The following SV2C variants were observed in gnomAD, a reference collection of about 807,000 sequenced individuals.
SV2C encodes the protein synaptic vesicle glycoprotein 2C.
In SV2C, 49 loss-of-function variants were observed where a neutral mutation model predicts 79.7. The observed-to-expected ratio is 0.61, with a 90% CI of 0.49 to 0.78. The LOEUF is 0.78. Ranked by LOEUF, SV2C falls within the 30% of genes least tolerant of loss-of-function variation. SV2C has a pLI of 0.00. For synonymous variants in SV2C, 334 were observed against 333.2 expected (o/e 1.00, Z -0.03); for missense variants, 833 against 912.9 (o/e 0.91, Z 1.13).
chr5:76,054,812 A>C, the SV2C span, among the ~76,000 whole-genome samples: 1 of 152,004 alleles, frequency 6.6e-6, no homozygotes, highest in Non-Finnish European at 1.5e-5. Context: ...GTGTCTGTTC[A>C]TATCCTTTGT....
chr5:75,975,246 A>G, the SV2C span, among the ~76,000 whole-genome samples: 1 of 152,182 alleles, frequency 6.6e-6, no homozygotes, highest in Non-Finnish European at 1.5e-5. Flanking sequence ...ACAGGAGTGC[A>G]CCTAGTGAAG....
At chr5:76,198,512 C>T (rs535711069) in intron 3 of SV2C, among the ~76,000 whole-genome samples, 1 of 152,208 alleles carries the variant, frequency 6.6e-6, no homozygotes, top group Non-Finnish European at 1.5e-5. Flanking sequence ...GAACCATGGC[C>T]AAATAAACCC....
At chr5:75,891,187 C>T in the SV2C span, among the ~76,000 whole-genome samples, 1 of 152,180 alleles carries the variant, frequency 6.6e-6, no homozygotes, top group African/African-American at 2.4e-5. Context: ...AAACCAGGGA[C>T]TTTGAGACTT....
the SV2C span, among the ~76,000 whole-genome samples, chr5:75,983,598 TA>T: frequency 0.5 from 72,053 of 144,180 alleles, 18,139 homozygotes; most frequent in Middle Eastern, 0.6. Context: ...GGGCCAGCTT[TA>T]AAAAAAAAAA....
chr5:76,174,449 G>C (rs1296002728), intron 2 of SV2C, among the ~76,000 whole-genome samples: 3 of 152,192 alleles, frequency 2.0e-5, no homozygotes, highest in African/African-American at 7.2e-5. Flanking sequence ...TAATGTACTT[G>C]TTCCCATCAG....
At chr5:76,037,294 T>G in the SV2C span, among the ~76,000 whole-genome samples, 275 of 152,356 alleles carry the variant, frequency 1.8e-3, 1 homozygote, top group Middle Eastern at 3.4e-3. Flanking sequence ...GTGAGGAACT[T>G]CGTTCCTTTG....
At chr5:76,269,411 G>C (rs2112470271) in intron 4 of SV2C, among the ~76,000 whole-genome samples, 1 of 152,288 alleles carries the variant, frequency 6.6e-6, no homozygotes, top group South Asian at 2.1e-4. Context: ...TTTATCAGAT[G>C]TAACTGCTGG....
the SV2C span, among the ~76,000 whole-genome samples, chr5:75,935,678 A>G: frequency 3.8e-4 from 58 of 152,300 alleles, no homozygotes; most frequent in Non-Finnish European, 7.2e-4. Flanking sequence ...TTGCGAACGA[A>G]TAAATATAGT....
chr5:75,929,607 T>C, the SV2C span, among the ~76,000 whole-genome samples: 3,299 of 152,246 alleles, frequency 0.022, 126 homozygotes, highest in African/African-American at 0.074. Flanking sequence ...TGAGAACTTA[T>C]GGCTAATTAC....
the SV2C span, among the ~76,000 whole-genome samples, chr5:76,049,023 G>GAAAGAAAGAAAGAAAA: frequency 1.2e-5 from 1 of 82,584 alleles, no homozygotes; most frequent in Non-Finnish European, 2.3e-5. Flanking sequence ...AAGAAAGAAA[G>GAAAGAAAGAAAGAAAA]AAAAAGAAAA....
chr5:76,321,268 G>T (rs943517337), intron 12 of SV2C, among the ~76,000 whole-genome samples: 2 of 151,076 alleles, frequency 1.3e-5, no homozygotes, highest in African/African-American at 2.4e-5. Context: ...GCTGCATTTT[G>T]CCCCTTATAA....
At chr5:76,007,261 G>T in the SV2C span, among the ~76,000 whole-genome samples, 1 of 151,446 alleles carries the variant, frequency 6.6e-6, no homozygotes, top group African/African-American at 2.4e-5. Context: ...CAAGCTCCCT[G>T]TAGACTAGGG....
At chr5:76,244,351 G>A (rs1487767407) in intron 4 of SV2C, among the ~76,000 whole-genome samples, 4 of 152,224 alleles carry the variant, frequency 2.6e-5, no homozygotes, top group East Asian at 1.9e-4. Context: ...CAAAAGATGA[G>A]TAAGACCAAG....
At chr5:75,971,521 T>A in the SV2C span, among the ~76,000 whole-genome samples, 6 of 152,188 alleles carry the variant, frequency 3.9e-5, 1 homozygote, top group African/African-American at 1.4e-4. Context: ...AGCATTCTTA[T>A]ACACCAATAA....
chr5:75,868,847 G>A, the SV2C span, among the ~76,000 whole-genome samples: 2 of 152,124 alleles, frequency 1.3e-5, no homozygotes, highest in African/African-American at 2.4e-5. Flanking sequence ...TATGTCCTCT[G>A]ACCAGCACTC....
intron 4 of SV2C, among the ~76,000 whole-genome samples, chr5:76,263,086 A>T (rs1390923593): frequency 6.6e-6 from 1 of 152,152 alleles, no homozygotes; most frequent in Non-Finnish European, 1.5e-5. Flanking sequence ...GTAAGTCTTT[A>T]AGAACTTGTT....
At chr5:76,060,809 A>G in the SV2C span, among the ~76,000 whole-genome samples, 3 of 152,038 alleles carry the variant, frequency 2.0e-5, no homozygotes, top group Non-Finnish European at 4.4e-5. Context: ...TTTAGCCTAT[A>G]TCTCAGCTTT....
At chr5:75,925,800 T>A in the SV2C span, among the ~76,000 whole-genome samples, 339 of 152,170 alleles carry the variant, frequency 2.2e-3, no homozygotes, top group African/African-American at 7.7e-3. Flanking sequence ...GTAAGCAATT[T>A]AAAAAAATTA....
At chr5:75,989,035 T>G in the SV2C span, among the ~76,000 whole-genome samples, 1 of 152,028 alleles carries the variant, frequency 6.6e-6, no homozygotes, top group East Asian at 1.9e-4. Flanking sequence ...TGTTCTTTCT[T>G]AAATATACTA....
Sources: allele counts gnomAD v4.1 joint callset (sites outside exome capture counted in the v4.1 genomes callset), GRCh38; gene constraint gnomAD v4.1.1; transcripts MANE v1.5; gene names NCBI Gene and HGNC (gene_info 2026-07-23, HGNC 2026-07-21).